The following ADCK1 variants were observed in gnomAD, a reference collection of about 807,000 sequenced individuals.
ADCK1 encodes aarF domain containing kinase 1, also known as aarF domain-containing protein kinase 1.
In ADCK1, 41 loss-of-function variants were observed where a neutral mutation model predicts 52.3. The ratio of observed to expected loss-of-function variants is 0.78; its 90% CI spans 0.61 to 1.02. The LOEUF (loss-of-function observed/expected upper bound fraction) is 1.02. ADCK1 is among the 50% of genes least tolerant of loss of function. The pLI is 0.00. For synonymous variants in ADCK1, 250 were observed against 274.6 expected (o/e 0.91, Z 0.89); for missense variants, 658 against 679.5 (o/e 0.97, Z 0.35).
intron 4 of ADCK1, among the ~76,000 whole-genome samples, chr14:77,863,216 A>G (rs1354785932): frequency 6.6e-6 from 1 of 152,136 alleles, no homozygotes; most frequent in Non-Finnish European, 1.5e-5. Flanking sequence ...CAAAAGAAGG[A>G]CGAAGAGACT....
At chr14:77,843,681 C>T (rs1328108918) in intron 3 of ADCK1, among the ~76,000 whole-genome samples, 1 of 152,180 alleles carries the variant, frequency 6.6e-6, no homozygotes. Flanking sequence ...AGGGCTTGCA[C>T]AGTCACATCA....
At chr14:77,803,304 T>C (rs2081151134) in intron 1 of ADCK1, among the ~76,000 whole-genome samples, 1 of 152,066 alleles carries the variant, frequency 6.6e-6, no homozygotes, top group Non-Finnish European at 1.5e-5. Flanking sequence ...CTAAGTGCCT[T>C]TTCTCTGTGG....
At chr14:77,826,120 C>G (rs2140048932) in intron 3 of ADCK1, among the ~76,000 whole-genome samples, 1 of 152,178 alleles carries the variant, frequency 6.6e-6, no homozygotes, top group East Asian at 1.9e-4. Flanking sequence ...TGGCATTTGA[C>G]AAGAGAACAG....
chr14:77,924,927 A>G (rs978945435), intron 8 of ADCK1, among the ~76,000 whole-genome samples: 1 of 152,230 alleles, frequency 6.6e-6, no homozygotes, highest in Non-Finnish European at 1.5e-5. Context: ...TGTCCTCTGC[A>G]TGAGCTGGGA....
chr14:77,868,534 C>A (rs1414664608), intron 4 of ADCK1, among the ~76,000 whole-genome samples: 2 of 152,192 alleles, frequency 1.3e-5, no homozygotes, highest in Non-Finnish European at 2.9e-5. Context: ...AGTCTTTTGT[C>A]TTGCCAGTGG....
At chr14:77,927,722 A>T (rs954640251) in intron 9 of ADCK1, among the ~76,000 whole-genome samples, 2 of 152,210 alleles carry the variant, frequency 1.3e-5, no homozygotes, top group Non-Finnish European at 2.9e-5. Flanking sequence ...CAGTTCCAGG[A>T]AGAACTTGAA....
intron 9 of ADCK1, 140 bp downstream of exon 9, chr14:77,926,101 A>G: frequency 9.8e-7 from 1 of 1,018,582 alleles, no homozygotes; most frequent in Non-Finnish European, 1.4e-6. Context: ...TTGGAGCTAT[A>G]TTGGACAAGA....
Position 77,927,851 on chromosome 14 carries a change from C to G in ADCK1, c.1206+1890C>G, listed in dbSNP as rs146662602. On this transcript the variant is annotated intron_variant, in intron 9 of 10. Transcript: ENST00000238561. ...GGAGCCGTGGGCAGGAAGATCATCA[C>G]GCAGGGTCTTAAAAGCCACGGGAAG... is the stretch of plus-strand genomic sequence containing the variant. Among the ~76,000 whole-genome samples the G allele has an allele frequency of 5.1e-3, 777 of 152,320 alleles. 5 individuals are homozygous for G. The highest frequency in any genetic ancestry group is 0.017 in the African/African-American group (716 of 41,560).
intron 1 of ADCK1, among the ~76,000 whole-genome samples, chr14:77,814,833 A>T (rs541234293): frequency 6.6e-5 from 10 of 151,598 alleles, no homozygotes; most frequent in Non-Finnish European, 2.9e-5. Context: ...TCGGTGGCCC[A>T]TGGGGTGGAC....
intron 3 of ADCK1, among the ~76,000 whole-genome samples, chr14:77,844,888 T>C (rs2082144556): frequency 6.6e-6 from 1 of 152,336 alleles, no homozygotes; most frequent in Non-Finnish European, 1.5e-5. Context: ...TGAGTGCAGG[T>C]TGGAGAATAG....
At chr14:77,850,610 G>GT (rs2082262253) in intron 3 of ADCK1, among the ~76,000 whole-genome samples, 1 of 146,264 alleles carries the variant, frequency 6.8e-6, no homozygotes, top group South Asian at 2.2e-4. Context: ...AAATATAGCT[G>GT]TTTCAGCTTT....
intron 3 of ADCK1, among the ~76,000 whole-genome samples, chr14:77,825,755 C>T (rs1215808731): frequency 6.6e-6 from 1 of 151,556 alleles, no homozygotes; most frequent in Non-Finnish European, 1.5e-5. Flanking sequence ...GATTCTCCTG[C>T]CTCAGCCTCC....
chr14:77,864,699 A>G (rs1027064217), intron 4 of ADCK1, among the ~76,000 whole-genome samples: 2 of 151,366 alleles, frequency 1.3e-5, no homozygotes, highest in Non-Finnish European at 2.9e-5. Flanking sequence ...GTGTGTGTGT[A>G]TTTAGAGCTA....
rs554589716 is a variant in ADCK1 at position 77,865,702 on chromosome 14, G to C, written c.423+6423G>C. On this transcript the variant is annotated intron_variant, in intron 4 of 10. Coordinates refer to ENST00000238561, the MANE Select transcript of ADCK1 (RefSeq NM_020421.4). ...GCGGTAGACAGGAGCCAAACTGCCT[G>C]TTGGTATATTGGCTTTGTGGCCTTG... is the stretch of plus-strand genomic sequence containing the variant. Among the ~76,000 whole-genome samples the C allele has an allele frequency of 5.3e-5, 8 of 152,320 alleles. No homozygotes were observed. The South Asian group carries it at 1.7e-3, about 32-fold the overall frequency.
intron 4 of ADCK1, among the ~76,000 whole-genome samples, chr14:77,875,367 C>G (rs577943373): frequency 1.1e-3 from 174 of 152,138 alleles, no homozygotes; most frequent in Non-Finnish European, 1.7e-3. Flanking sequence ...TGCATAGTTG[C>G]CTCCTCTTTC....
At chr14:77,814,111 C>T (rs547998834) in intron 1 of ADCK1, among the ~76,000 whole-genome samples, 124 of 151,056 alleles carry the variant, frequency 8.2e-4, no homozygotes, top group African/African-American at 2.8e-3. Flanking sequence ...CAGGGTCTCA[C>T]TCTGTCATTG....
At chr14:77,930,936 T>C (rs1036334810) in intron 9 of ADCK1, among the ~76,000 whole-genome samples, 4 of 151,540 alleles carry the variant, frequency 2.6e-5, no homozygotes, top group Non-Finnish European at 5.9e-5. Flanking sequence ...AAAGACCAGG[T>C]AGGTCAAGGG....
chr14:77,855,014 A>G (rs1200328253), intron 3 of ADCK1, among the ~76,000 whole-genome samples: 1 of 152,222 alleles, frequency 6.6e-6, no homozygotes, highest in Non-Finnish European at 1.5e-5. Context: ...CCAACTAACC[A>G]GTCCTAATCC....
intron 1 of ADCK1, 109 bp from the exon 2 acceptor site, chr14:77,818,859 T>C: frequency 7.9e-7 from 1 of 1,267,116 alleles, no homozygotes; most frequent in Non-Finnish European, 1.1e-6. Flanking sequence ...GTGAGATTAA[T>C]GATCCAAGGT....
Sources: gnomAD v4.1 joint callset for allele counts (sites outside exome capture counted in the v4.1 genomes callset) on GRCh38, gnomAD v4.1.1 for gene constraint, MANE v1.5 for transcripts, NCBI Gene and HGNC (gene_info 2026-07-23, HGNC 2026-07-21) for gene names.